The following FHAD1 variants were observed in gnomAD, a reference collection of about 807,000 sequenced individuals.
FHAD1 encodes forkhead-associated domain-containing protein 1.
FHAD1 carries 146 observed loss-of-function variants against 191.3 expected under a neutral mutation model. The ratio of observed to expected loss-of-function variants is 0.76; its 90% CI spans 0.67 to 0.88. The LOEUF (loss-of-function observed/expected upper bound fraction) is 0.88, where lower values mean the gene tolerates loss of function less well. Among genes scored for constraint, FHAD1 ranks in the 40% least tolerant of loss-of-function variants. The pLI is 0.00. For missense variants in FHAD1, 1,635 were observed against 1,785.8 expected, an observed-to-expected ratio of 0.92 and a Z score of 1.52; for synonymous variants, 616 against 672.3, an observed-to-expected ratio of 0.92 and a Z score of 1.29.
chr1:15,354,169 G>A (rs1314872077), intron 20 of FHAD1, among the ~76,000 whole-genome samples: 1 of 152,172 alleles, frequency 6.6e-6, no homozygotes, highest in Non-Finnish European at 1.5e-5. Context: ...ACATTAGCAT[G>A]CATTTGAATC....
intron 3 of FHAD1, among the ~76,000 whole-genome samples, chr1:15,279,554 CAAAAAAA>C (rs57662759): frequency 3.1e-5 from 3 of 96,878 alleles, no homozygotes; most frequent in African/African-American, 3.5e-5. Flanking sequence ...CCTTAAAACT[CAAAAAAA>C]AAAAAAAAAA....
At chr1:15,290,849 C>T (rs1574023669) in intron 4 of FHAD1, among the ~76,000 whole-genome samples, 1 of 152,136 alleles carries the variant, frequency 6.6e-6, no homozygotes, top group Non-Finnish European at 1.5e-5. Flanking sequence ...GCTGGGACTA[C>T]AGGCTCCTGC....
At chr1:15,379,075 A>T (rs144753538) in intron 28 of FHAD1, among the ~76,000 whole-genome samples, 239 of 151,620 alleles carry the variant, frequency 1.6e-3, no homozygotes, top group African/African-American at 5.5e-3. Context: ...GGAACGAGAG[A>T]CTTGGAAAAG....
rs376422323 is a variant in FHAD1 at position 15,367,459 on chromosome 1, G to A, written c.3155-4G>A. 3.9e-5 allele frequency: 61 copies of A among 1,550,474 alleles called. No individual in the cohort carries two copies. The highest frequency in any genetic ancestry group is 5.0e-5 in the Non-Finnish European group (57 of 1,146,402). On this transcript the variant is annotated splice_polypyrimidine_tract_variant and splice_region_variant and intron_variant, in intron 24 of 33. Transcript: ENST00000688493. Reference sequence around the variant, plus strand: ...CCCCTTACCGGCCCTCCTGTCACTCGCAGGGGAGCTAAACGAGAAGCAGAA... The same window carrying A: ...CCCCTTACCGGCCCTCCTGTCACTCACAGGGGAGCTAAACGAGAAGCAGAA...
intron 20 of FHAD1, among the ~76,000 whole-genome samples, chr1:15,353,923 T>C (rs1387840928): frequency 1.3e-5 from 2 of 152,070 alleles, no homozygotes; most frequent in African/African-American, 4.8e-5. Flanking sequence ...CTGTCTTGGG[T>C]ACCTCATAAG....
rs759708313 is a variant in FHAD1, at chr1:15,251,837, C to T, written c.53C>T (p.Thr18Ile). 8 of 1,552,274 alleles carry T rather than the reference C, an allele frequency of 5.2e-6. No homozygotes were observed. In the South Asian group the frequency reaches 8.3e-5, roughly 16 times the overall value. ...AEGFFVLNKSTTIGRHENSDL... is the reference protein window; with the variant it reads ...AEGFFVLNKSITIGRHENSDL... ...GGCTTTTTTGTCCTAAATAAAAGTA[C>T]CACAATTGGAAGGCATGAAAATTCA... The change falls in exon 2 of 34, where the codon ACC (threonine) becomes ATC (isoleucine). Residue 18 changes from threonine to isoleucine, a missense_variant. Coordinates refer to ENST00000688493, the MANE Select transcript of FHAD1 (RefSeq NM_001391957.1).
chr1:15,390,364 AAAAG>A (rs1703644809), intron 32 of FHAD1, among the ~76,000 whole-genome samples: 1 of 151,408 alleles, frequency 6.6e-6, no homozygotes, highest in African/African-American at 2.4e-5. Context: ...AAAAAAAAAA[AAAAG>A]GCACTTTAAG....
chr1:15,271,140 G>GAAAAAAAAA (rs543401814), intron 2 of FHAD1, among the ~76,000 whole-genome samples: 1 of 76,678 alleles, frequency 1.3e-5, no homozygotes, highest in East Asian at 3.6e-4. Context: ...CTCCATCTCG[G>GAAAAAAAAA]AAAAAAAAAA....
At chr1:15,396,927 G>A (rs1354823884) in intron 33 of FHAD1, among the ~76,000 whole-genome samples, 1 of 151,578 alleles carries the variant, frequency 6.6e-6, no homozygotes, top group Non-Finnish European at 1.5e-5. Flanking sequence ...GCTCAAGCCT[G>A]TAATCTCAGC....
intron 16 of FHAD1, among the ~76,000 whole-genome samples, chr1:15,342,891 G>A (rs1326574546): frequency 6.6e-6 from 1 of 151,858 alleles, no homozygotes; most frequent in Non-Finnish European, 1.5e-5. Flanking sequence ...GAACTCCTGG[G>A]CTCAAGTGAC....
intron 10 of FHAD1, among the ~76,000 whole-genome samples, chr1:15,322,167 G>A (rs1676538861): frequency 6.6e-6 from 1 of 152,084 alleles, no homozygotes; most frequent in Non-Finnish European, 1.5e-5. Context: ...TCTTTGGCTT[G>A]CTGTTTTTCA....
chr1:15,349,889 G>A (rs930133253), intron 19 of FHAD1, among the ~76,000 whole-genome samples: 3 of 152,160 alleles, frequency 2.0e-5, no homozygotes, highest in African/African-American at 4.8e-5. Context: ...CACCTGCCCC[G>A]AGCAGCATGA....
Position 15,393,481 on chromosome 1 carries a change from T to TG in FHAD1, c.4323+2222dup, listed in dbSNP as rs139017980. Among the ~76,000 whole-genome samples the TG allele has an allele frequency of 1.3e-3, 191 of 151,068 alleles. 1 individual carries two copies. The highest frequency in any genetic ancestry group is 4.0e-3 in the African/African-American group (165 of 40,844). On this transcript the variant is annotated intron_variant, in intron 33 of 33. Transcript: ENST00000688493. ...TGCTATCTGTAAAAGGGTGAGGGGCTGGGGAAAAAACCTCTAAGAATTCTC... is the reference window on the plus strand; with the variant it reads ...TGCTATCTGTAAAAGGGTGAGGGGCTGGGGGAAAAAACCTCTAAGAATTCTC...
chr1:15,329,563 A>G lies in FHAD1; in HGVS notation c.1906+22A>G, dbSNP rs1352228749. On this transcript the variant is annotated intron_variant, in intron 14 of 33. Transcript: ENST00000688493. This position sits in a 1 kb window ranked among gnomAD's most constrained non-coding sequence, Gnocchi z 5.0. ...AAAGGTTACTGGGACTTTTTTTCTC[A>G]CATGGTTGCATGACTCTAAAATGTC... The G allele has an allele frequency of 6.5e-7, 1 of 1,537,186 alleles. No individual in the cohort carries two copies. Among genetic ancestry groups the G allele is most frequent in the East Asian group, 2.5e-5 (1 of 40,776 alleles).
intron 1 of FHAD1, among the ~76,000 whole-genome samples, chr1:15,249,508 G>A (rs1041709611): frequency 6.6e-6 from 1 of 152,124 alleles, no homozygotes; most frequent in Non-Finnish European, 1.5e-5. Context: ...AAAAAGAAGT[G>A]TCTTTTTATC....
At chr1:15,320,881 T>C (rs1676021325) in intron 10 of FHAD1, among the ~76,000 whole-genome samples, 1 of 152,222 alleles carries the variant, frequency 6.6e-6, no homozygotes, top group Non-Finnish European at 1.5e-5. Flanking sequence ...GTACTACCTA[T>C]GTTCCTTTTT....
chr1:15,266,821 T>C (rs1233836385), intron 2 of FHAD1, among the ~76,000 whole-genome samples: 2 of 152,232 alleles, frequency 1.3e-5, no homozygotes, highest in African/African-American at 4.8e-5. Flanking sequence ...AAGTTTCATG[T>C]AGTTGAAATC....
At chr1:15,270,966 C>T (rs1655644367) in intron 2 of FHAD1, among the ~76,000 whole-genome samples, 2 of 151,956 alleles carry the variant, frequency 1.3e-5, no homozygotes, top group South Asian at 4.2e-4. Flanking sequence ...GGTGAAACCC[C>T]GCCTCTACTA....
chr1:15,337,095 A>T (rs1199926640), intron 14 of FHAD1, among the ~76,000 whole-genome samples: 1 of 152,196 alleles, frequency 6.6e-6, no homozygotes, highest in Admixed American at 6.5e-5. Flanking sequence ...CAGCCAAGGC[A>T]GTAGGTGGGG....
Sources: allele counts gnomAD v4.1 joint callset (sites outside exome capture counted in the v4.1 genomes callset), GRCh38; gene constraint gnomAD v4.1.1; non-coding constraint Gnocchi (gnomAD v3.1); transcripts MANE v1.5; gene names NCBI Gene and HGNC (gene_info 2026-07-23, HGNC 2026-07-21).